MTMR10: variants seen among roughly 807,000 people sequenced by gnomAD.
MTMR10 encodes the protein myotubularin related protein 10.
MTMR10 carries 56 observed loss-of-function variants against 88.1 expected under a neutral mutation model. That is an observed-to-expected ratio of 0.64 (90% CI 0.51 to 0.79). MTMR10 has a LOEUF of 0.79. Ranked by LOEUF, MTMR10 falls within the 30% of genes least tolerant of loss-of-function variation. The pLI, the probability that MTMR10 is intolerant of heterozygous loss-of-function variation, is 0.00. For synonymous variants in MTMR10, 380 were observed against 340.9 expected, an observed-to-expected ratio of 1.11 and a Z score of -1.26; for missense variants, 883 against 924.7, an observed-to-expected ratio of 0.95 and a Z score of 0.58.
In MTMR10 at chr15:30,952,046, G is replaced by C. The variant is rs748996198; in HGVS notation, c.1137-8C>G. Reference sequence around the variant, plus strand: ...GAATGCTTAAGGAATGCCCTGAAGAGAGAAAAGGAAAAGCAGTGTTAAAAA... The same window carrying C: ...GAATGCTTAAGGAATGCCCTGAAGACAGAAAAGGAAAAGCAGTGTTAAAAA... On this transcript the variant is annotated splice_region_variant and splice_polypyrimidine_tract_variant and intron_variant, in intron 11 of 15. Coordinates refer to ENST00000435680, the MANE Select transcript of MTMR10 (RefSeq NM_017762.3). 1.2e-6 allele frequency: 2 copies of C among 1,611,710 alleles called. No individual in the cohort carries two copies. The highest frequency in any genetic ancestry group is 1.1e-5 in the South Asian group (1 of 91,004).
At chr15:30,937,028 TTAAA>T, downstream of MTMR10, 2 of 1,008,396 alleles carry the variant, frequency 2.0e-6, no homozygotes, top group Admixed American at 2.1e-5. Context: ...GAAGAGCCAT[TTAAA>T]TAGTTGTCAG....
chr15:30,961,175 C>G, intron 6 of MTMR10, 102 bp from the exon 7 acceptor site: 1 of 1,402,828 alleles, frequency 7.1e-7, no homozygotes, highest in African/African-American at 1.4e-5. Flanking sequence ...TGTGCTGTCT[C>G]TAACCTGCTT....
chr15:30,925,716 C>T, the MTMR10 span: 28 of 1,542,016 alleles, frequency 1.8e-5, no homozygotes, highest in Admixed American at 3.1e-4. Flanking sequence ...TCAATCCTCA[C>T]GATGCTACAG....
chr15:30,955,522 G>A (rs2141013833), intron 9 of MTMR10, among the ~76,000 whole-genome samples: 1 of 152,090 alleles, frequency 6.6e-6, no homozygotes, highest in East Asian at 1.9e-4. Flanking sequence ...CACCCCCCTT[G>A]GCCTCCCAAA....
chr15:30,928,603 T>TG, the MTMR10 span: 1 of 1,613,218 alleles, frequency 6.2e-7, no homozygotes, highest in South Asian at 1.1e-5. Context: ...CCTCCTCCTG[T>TG]GGGACATCAT....
the MTMR10 span, among the ~76,000 whole-genome samples, chr15:30,929,811 A>AATG: frequency 3.9e-4 from 28 of 71,970 alleles, 4 homozygotes; most frequent in African/African-American, 2.1e-3. Flanking sequence ...TATAAAATAT[A>AATG]TAATATATTA....
chr15:30,945,770 A>G (rs2063161878), intron 14 of MTMR10, among the ~76,000 whole-genome samples: 1 of 152,196 alleles, frequency 6.6e-6, no homozygotes, highest in African/African-American at 2.4e-5. Flanking sequence ...TCAGCACAGT[A>G]TCTGGAAAGG....
At chr15:30,960,525 A>G (rs1234731579) in intron 7 of MTMR10, among the ~76,000 whole-genome samples, 1 of 152,186 alleles carries the variant, frequency 6.6e-6, no homozygotes, top group East Asian at 1.9e-4. Context: ...GGTAAAAAAG[A>G]GGTGGGAGGA....
At chr15:30,924,153 C>T in the MTMR10 span, among the ~76,000 whole-genome samples, 2 of 152,218 alleles carry the variant, frequency 1.3e-5, no homozygotes, top group South Asian at 2.1e-4. Context: ...CTGAGCTTCA[C>T]CCGCATCGTG....
At chr15:30,990,655 A>C (rs2031253130) in intron 2 of MTMR10, 122 bp downstream of exon 2, 1 of 811,136 alleles carries the variant, frequency 1.2e-6, no homozygotes, top group African/African-American at 1.8e-5. Context: ...CAGTCACTAG[A>C]CTTTTAACTG....
chr15:30,943,193 C>T (rs1382435659), intron 14 of MTMR10, 121 bp from the exon 15 acceptor site: 4 of 1,418,418 alleles, frequency 2.8e-6, no homozygotes, highest in South Asian at 3.3e-5. Context: ...TCAAAACCCA[C>T]CAGAGTGGCA....
chr15:30,937,027 T>C (rs2062874561), downstream of MTMR10: 1 of 994,946 alleles, frequency 1.0e-6, no homozygotes, highest in Non-Finnish European at 1.5e-6. Flanking sequence ...AGAAGAGCCA[T>C]TTAAATAGTT....
At chr15:30,988,532 G>A (rs984248920) in intron 2 of MTMR10, among the ~76,000 whole-genome samples, 4 of 152,200 alleles carry the variant, frequency 2.6e-5, no homozygotes, top group Middle Eastern at 3.4e-3. Context: ...TGCCATTTCT[G>A]GGACAAGAAA....
intron 2 of MTMR10, among the ~76,000 whole-genome samples, chr15:30,990,443 C>T (rs1374338923): frequency 6.6e-6 from 1 of 152,192 alleles, no homozygotes; most frequent in East Asian, 1.9e-4. Context: ...GGTATAGAGA[C>T]ACACACATAA....
At chr15:30,959,663 C>T (rs1001585790) in intron 7 of MTMR10, among the ~76,000 whole-genome samples, 27 of 152,222 alleles carry the variant, frequency 1.8e-4, no homozygotes, top group African/African-American at 6.3e-4. Flanking sequence ...ACATGTTTCT[C>T]AGCACATATA....
chr15:30,939,172 A>G lies in MTMR10; in HGVS notation c.*2298T>C. 1.0e-6 allele frequency: 1 copy of G among 985,440 alleles called. No homozygotes were observed. Among genetic ancestry groups the G allele is most frequent in the African/African-American group, 1.7e-5 (1 of 57,382 alleles). The allele number at this position is 985,440 out of a possible 1,614,324, so 61.0% of individuals were successfully genotyped here. A position where few individuals can be genotyped will look rare whatever the true frequency, so the allele number is the denominator to read the frequency against. On this transcript the variant is annotated 3_prime_UTR_variant, in exon 16 of 16. Transcript: ENST00000435680. ...CAGCTTTCACCCTCTGTTAGTACAAATTAATATCCTTTCCTTAAATAAAGT... is the reference window on the plus strand; with the variant it reads ...CAGCTTTCACCCTCTGTTAGTACAAGTTAATATCCTTTCCTTAAATAAAGT...
At chr15:30,975,026 T>C (rs551874570) in intron 3 of MTMR10, 23 bp from the exon 4 acceptor site, 3 of 1,470,692 alleles carry the variant, frequency 2.0e-6, no homozygotes, top group Admixed American at 4.1e-5. Flanking sequence ...ATTATGTTCA[T>C]ATTAATTCTT....
the MTMR10 span, among the ~76,000 whole-genome samples, chr15:30,923,425 A>G: frequency 6.6e-6 from 1 of 152,294 alleles, no homozygotes; most frequent in South Asian, 2.1e-4. Context: ...CAGTTCTGCT[A>G]GGGGGTAGAC....
chr15:30,922,141 T>G, the MTMR10 span: 4 of 1,449,220 alleles, frequency 2.8e-6, no homozygotes, highest in East Asian at 2.3e-5. Context: ...ATACGCATTA[T>G]AAATAGGCTT....
Sources: allele counts gnomAD v4.1 joint callset (sites outside exome capture counted in the v4.1 genomes callset), GRCh38; gene constraint gnomAD v4.1.1; transcripts MANE v1.5; gene names NCBI Gene and HGNC (gene_info 2026-07-23, HGNC 2026-07-21).